The following DGKB variants were observed in gnomAD, a reference collection of about 807,000 sequenced individuals.
DGKB encodes the protein 90 kDa diacylglycerol kinase.
In DGKB, 67 loss-of-function variants were observed where a neutral mutation model predicts 114.3. That is an observed-to-expected ratio of 0.59 (90% confidence interval 0.48 to 0.72). The LOEUF (loss-of-function observed/expected upper bound fraction) is 0.72. Among genes scored for constraint, DGKB ranks in the 30% least tolerant of loss-of-function variants. The probability of loss-of-function intolerance (pLI) is 0.00; values close to 1 mark genes in which losing one functional copy is unlikely to be tolerated. For missense variants in DGKB, 907 were observed against 975.2 expected, an observed-to-expected ratio of 0.93 and a Z score of 0.93; for synonymous variants, 398 against 323.1, an observed-to-expected ratio of 1.23 and a Z score of -2.49.
intron 21 of DGKB, among the ~76,000 whole-genome samples, chr7:14,444,973 G>C (rs904282039): frequency 1.3e-5 from 2 of 151,764 alleles, no homozygotes; most frequent in Non-Finnish European, 3.0e-5. Flanking sequence ...TAACTATTTA[G>C]TTACTAGTTC....
chr7:14,777,953 T>G (rs1360302290), intron 2 of DGKB, among the ~76,000 whole-genome samples: 1 of 152,210 alleles, frequency 6.6e-6, no homozygotes, highest in Non-Finnish European at 1.5e-5. Flanking sequence ...CTGGAAATAA[T>G]TCTAATGTGA....
chr7:14,533,032 A>G (rs1187061533), intron 20 of DGKB, among the ~76,000 whole-genome samples: 1 of 151,812 alleles, frequency 6.6e-6, no homozygotes, highest in Non-Finnish European at 1.5e-5. Context: ...AACCAACTCT[A>G]ACGAAATGAA....
At chr7:14,610,386 G>A (rs549502793) in intron 16 of DGKB, among the ~76,000 whole-genome samples, 2 of 152,146 alleles carry the variant, frequency 1.3e-5, no homozygotes, top group South Asian at 4.1e-4. Context: ...GAGTGGGGAA[G>A]GAAGAAGTGG....
intron 20 of DGKB, among the ~76,000 whole-genome samples, chr7:14,530,430 A>T (rs1203575155): frequency 1.3e-5 from 2 of 151,502 alleles, no homozygotes; most frequent in Non-Finnish European, 3.0e-5. Context: ...CCCTGTATGG[A>T]AGTATGATTG....
chr7:14,536,800 A>G (rs1245022745), intron 20 of DGKB, among the ~76,000 whole-genome samples: 4 of 151,908 alleles, frequency 2.6e-5, no homozygotes, highest in African/African-American at 9.7e-5. Flanking sequence ...ACTTCTATTC[A>G]GCATAGTCCT....
intron 23 of DGKB, among the ~76,000 whole-genome samples, chr7:14,226,773 T>C (rs1489266570): frequency 6.6e-6 from 1 of 152,100 alleles, no homozygotes; most frequent in Non-Finnish European, 1.5e-5. Flanking sequence ...GAATCAATTA[T>C]ATAACACATA....
At chr7:14,393,700 A>G (rs552643248) in intron 21 of DGKB, among the ~76,000 whole-genome samples, 7 of 152,212 alleles carry the variant, frequency 4.6e-5, no homozygotes, top group African/African-American at 1.2e-4. Flanking sequence ...TCATCTCACC[A>G]TCTATTTAAC....
At chr7:14,273,259 T>C (rs1211094913) in intron 23 of DGKB, among the ~76,000 whole-genome samples, 1 of 152,176 alleles carries the variant, frequency 6.6e-6, no homozygotes, top group African/African-American at 2.4e-5. Flanking sequence ...GGTGGGAGGA[T>C]TGCTTAAGCC....
chr7:14,576,707 C>A (rs982974475), intron 19 of DGKB, among the ~76,000 whole-genome samples: 1 of 152,070 alleles, frequency 6.6e-6, no homozygotes, highest in Admixed American at 6.6e-5. Flanking sequence ...GGAACAGCAA[C>A]CTAACCGGGA....
At chr7:14,652,529 C>G (rs1814779513) in intron 13 of DGKB, among the ~76,000 whole-genome samples, 1 of 151,926 alleles carries the variant, frequency 6.6e-6, no homozygotes, top group Non-Finnish European at 1.5e-5. Context: ...AAACGTTAGA[C>G]CTAAAACCAT....
chr7:14,588,643 A>G (rs1171743945), intron 17 of DGKB, among the ~76,000 whole-genome samples: 7 of 150,640 alleles, frequency 4.6e-5, no homozygotes, highest in Non-Finnish European at 7.4e-5. Context: ...TTTTCTATTT[A>G]TTTTTTATCC....
intron 20 of DGKB, among the ~76,000 whole-genome samples, chr7:14,500,947 A>T (rs1219926546): frequency 6.6e-6 from 1 of 151,964 alleles, no homozygotes; most frequent in East Asian, 1.9e-4. Flanking sequence ...GTTCAGACAT[A>T]TTCTAGCTGC....
chr7:14,157,514 TG>T (rs1783196439), intron 25 of DGKB, among the ~76,000 whole-genome samples: 1 of 152,078 alleles, frequency 6.6e-6, no homozygotes, highest in Non-Finnish European at 1.5e-5. Flanking sequence ...AAAATGGAGT[TG>T]GGAGGTTTAC....
chr7:14,517,928 A>T (rs770910520), intron 20 of DGKB, among the ~76,000 whole-genome samples: 6 of 152,220 alleles, frequency 3.9e-5, no homozygotes, highest in Non-Finnish European at 8.8e-5. Context: ...CTTAAAGCAG[A>T]ATTATCACTT....
Position 14,943,119 on chromosome 7 carries a change from T to C in DGKB, c.-188+31577A>G, listed in dbSNP as rs568560367. 5.3e-4 allele frequency among the ~76,000 whole-genome samples: 81 copies of C among 152,090 alleles called. No individual in the cohort carries two copies. In the South Asian group the frequency reaches 0.011, roughly 21 times the overall value. ...TTATTTTCTTTCTTTTTATATTCTA[T>C]ATGGAAAAATGTTTTGAAAATGTCA... On this transcript the variant is annotated intron_variant, in intron 1 of 4. Coordinates refer to the DGKB transcript ENST00000437998.
chr7:14,408,423 C>T lies in DGKB; in HGVS notation c.1836-63032G>A, dbSNP rs1824308101. ...CTAGCAATATGGGGAATACAGAAGG[C>T]TTGTAAGACAAAGCAATCATTTTCA... On this transcript the variant is annotated intron_variant, in intron 21 of 25. Coordinates refer to ENST00000402815, the MANE Select transcript of DGKB (RefSeq NM_001350709.2). 2.6e-5 allele frequency among the ~76,000 whole-genome samples: 4 copies of T among 152,022 alleles called. No individual in the cohort carries two copies. In the South Asian group the frequency reaches 8.3e-4, roughly 31 times the overall value.
chr7:14,248,597 T>A lies in DGKB; in HGVS notation c.2123-70446A>T, dbSNP rs183533414. 3.2e-3 allele frequency among the ~76,000 whole-genome samples: 487 copies of A among 152,210 alleles called. 1 individual carries two copies. The highest frequency in any genetic ancestry group is 5.7e-3 in the Non-Finnish European group (386 of 67,958). On this transcript the variant is annotated intron_variant, in intron 23 of 25. Transcript: ENST00000402815. ...TTGACTTTGTTCCTAAATATTTTATTTTTTGATGCTATTTTAAATGGAATT... is the reference window on the plus strand; with the variant it reads ...TTGACTTTGTTCCTAAATATTTTATATTTTGATGCTATTTTAAATGGAATT...
chr7:14,701,012 C>G (rs1018042352), intron 7 of DGKB, among the ~76,000 whole-genome samples: 2 of 152,090 alleles, frequency 1.3e-5, no homozygotes, highest in East Asian at 1.9e-4. Context: ...AGACTAAGAA[C>G]TACTTTCTAT....
intron 1 of DGKB, among the ~76,000 whole-genome samples, chr7:14,951,957 T>C (rs942348927): frequency 6.6e-6 from 1 of 152,064 alleles, no homozygotes; most frequent in African/African-American, 2.4e-5. Context: ...AGTGTCCCCC[T>C]ACCCCATTGA....
Sources: gnomAD v4.1 joint callset for allele counts (sites outside exome capture counted in the v4.1 genomes callset) on GRCh38, gnomAD v4.1.1 for gene constraint, MANE v1.5 for transcripts, NCBI Gene and HGNC (gene_info 2026-07-23, HGNC 2026-07-21) for gene names.